Variants in ZNF676 observed in about 807,000 individuals in gnomAD.
The protein encoded by ZNF676 is zinc finger protein 676.
ZNF676 carries 4 observed loss-of-function variants against 6.0 expected under a neutral mutation model. The observed-to-expected ratio is 0.67, with a 90% CI of 0.33 to 1.53. The LOEUF is 1.53. ZNF676 is among the 40% of genes most tolerant of loss of function. ZNF676 has a pLI of 0.06. For missense variants in ZNF676, 644 were observed against 679.7 expected (o/e 0.95, Z 0.58); for synonymous variants, 198 against 223.1 (o/e 0.89, Z 1.00).
rs774878650 is a variant in ZNF676 at position 22,180,015 on chromosome 19, T to C, written c.1702A>G (p.Lys568Glu). 28 of 1,613,890 alleles carry C rather than the reference T, an allele frequency of 1.7e-5. No individual in the cohort carries two copies. The African/African-American group carries it at 3.7e-4, about 22-fold the overall frequency. ...ACAGTTGAGGATGACTTAAAAGCTT[T>C]GCCACATTCTTCACATTTGTAGGGT... Reference protein sequence around the residue: ...EKPYKCEECGKAFKSSSTVSY... With the variant: ...EKPYKCEECGEAFKSSSTVSY... The change falls in exon 3 of 3, where the codon AAA (lysine) becomes GAA (glutamate). Residue 568 changes from lysine to glutamate, a missense_variant. Lys to Glu is a moderately conservative substitution (Grantham distance 56). Transcript: ENST00000397121.
At chr19:22,210,726 G>A (rs1425492983) in intron 1 of ZNF676, among the ~76,000 whole-genome samples, 7 of 151,974 alleles carry the variant, frequency 4.6e-5, no homozygotes, top group South Asian at 2.1e-4. Context: ...TTCTTTTCTC[G>A]TTAAAAAAAT....
chr19:22,209,018 C>T (rs1214128048), intron 1 of ZNF676, among the ~76,000 whole-genome samples: 1 of 152,120 alleles, frequency 6.6e-6, no homozygotes, highest in Admixed American at 6.5e-5. Context: ...GTAATCCCAG[C>T]ACTTTGGGAG....
At chr19:22,195,295 T>C (rs1342111245) in intron 1 of ZNF676, among the ~76,000 whole-genome samples, 1 of 152,162 alleles carries the variant, frequency 6.6e-6, no homozygotes, top group African/African-American at 2.4e-5. Context: ...CAGGAGCCGA[T>C]GTGTCAGTAA....
chr19:22,228,340 T>C, the ZNF676 span, among the ~76,000 whole-genome samples: 1 of 152,212 alleles, frequency 6.6e-6, no homozygotes, highest in African/African-American at 2.4e-5. Context: ...AAACTAAGTA[T>C]TGATGGAACA....
At chr19:22,226,639 C>T in the ZNF676 span, among the ~76,000 whole-genome samples, 10 of 151,144 alleles carry the variant, frequency 6.6e-5, no homozygotes, top group African/African-American at 2.4e-4. Flanking sequence ...CTCTGTCATC[C>T]AGGCAGGAGT....
At chr19:22,237,163 T>C in the ZNF676 span, among the ~76,000 whole-genome samples, 2 of 152,184 alleles carry the variant, frequency 1.3e-5, no homozygotes, top group African/African-American at 4.8e-5. Context: ...CCAATGTGCC[T>C]AAGCCTTTTG....
rs1365812613 is a variant in ZNF676 at position 22,196,810 on chromosome 19, TAG to T, written c.-179_-178del. On this transcript the variant is annotated 5_prime_UTR_variant, in exon 1 of 3. An upstream open reading frame in the 5' UTR loses its in-frame stop. Transcript: ENST00000397121. ...GTGACTCAAGGTAAAATGGAGAGAGTAGAGAGAGCTGGTTCTGACTTATATGA... is the reference window on the plus strand; with the variant it reads ...GTGACTCAAGGTAAAATGGAGAGAGTAGAGAGCTGGTTCTGACTTATATGA... 2.7e-5 allele frequency: 33 copies of T among 1,236,412 alleles called. No homozygotes were observed. Among genetic ancestry groups the T allele is most frequent in the Non-Finnish European group, 3.6e-5 (31 of 865,250 alleles). 76.6% of individuals were successfully genotyped at this position (1,236,412 alleles called of 1,614,324 possible).
Position 22,181,276 on chromosome 19 carries a change from G to C in ZNF676, c.441C>G (p.Val147=). The C allele has an allele frequency of 6.2e-7, 1 of 1,613,714 alleles. No individual in the cohort carries two copies. Among genetic ancestry groups the C allele is most frequent in the Non-Finnish European group, 8.5e-7 (1 of 1,179,798 alleles). Residue 147 remains valine (V), a synonymous_variant, in exon 3 of 3, where the codon GTC becomes GTG. Transcript: ENST00000397121. ...GGTGTGAAAGCATGCAAAATGATCT[G>C]ACATATTCTTTACATTTCAAACCTT... The part of the protein sequence containing the change: ...GEKGLKCKEY[V]RSFCMLSHLS...
At chr19:22,216,251 A>G (rs867681972), upstream of ZNF676, among the ~76,000 whole-genome samples, 3 of 152,288 alleles carry the variant, frequency 2.0e-5, no homozygotes, top group African/African-American at 7.2e-5. Flanking sequence ...CCTGGTTGAC[A>G]TGGTGAAACC....
rs1285038254 is a variant in ZNF676, at chr19:22,180,220, A to C, written c.1497T>G (p.His499Gln). The C allele has an allele frequency of 4.3e-6, 7 of 1,613,664 alleles. No homozygotes were observed. Among genetic ancestry groups the C allele is most frequent in the Non-Finnish European group, 5.9e-6 (7 of 1,179,926 alleles). Residue 499 changes from histidine to glutamine, a missense_variant, in exon 3 of 3, where the codon CAT (histidine) becomes CAG (glutamine). Coordinates refer to ENST00000397121, the MANE Select transcript of ZNF676 (RefSeq NM_001001411.3). ...CACATTTGTAGCGTTTCTCTCCAGT[A>C]TGAATTATCTTATGTTTAGTAAGGA... ...FSILTKHKII[H>Q]TGEKRYKCEE...
chr19:22,217,652 G>A (rs138240782), upstream of ZNF676, among the ~76,000 whole-genome samples: 56 of 147,960 alleles, frequency 3.8e-4, no homozygotes, highest in African/African-American at 1.3e-3. Context: ...ATAAGCCACC[G>A]TGCCTGGCCT....
At chr19:22,208,250 GAA>G (rs545159713) in intron 1 of ZNF676, among the ~76,000 whole-genome samples, 1 of 117,586 alleles carries the variant, frequency 8.5e-6, no homozygotes. Flanking sequence ...AAGTTTACAA[GAA>G]AAAAAAAAAC....
chr19:22,181,243 T>G lies in ZNF676; in HGVS notation c.474A>C (p.Gln158His). ...TCTCTCTAGTATAAATTCTTTCATG[T>G]TGAGATAGGTGTGAAAGCATGCAAA... ...RSFCMLSHLSQHERIYTRENS... is the reference protein window; with the variant it reads ...RSFCMLSHLSHHERIYTRENS... Residue 158 changes from glutamine (Q) to histidine (H), a missense_variant, in exon 3 of 3, where the codon CAA becomes CAC. Gln to His is a conservative substitution (Grantham distance 24). This residue lies in a region of ZNF676 where 280 missense variants were observed against 269.3 expected (regional missense o/e 1.04). Transcript: ENST00000397121. The G allele has an allele frequency of 1.9e-6, 3 of 1,613,894 alleles. No homozygotes were observed. Among genetic ancestry groups the G allele is most frequent in the Non-Finnish European group, 2.5e-6 (3 of 1,179,874 alleles).
At chr19:22,219,033 ATT>A (rs34819381), upstream of ZNF676, among the ~76,000 whole-genome samples, 6,383 of 119,648 alleles carry the variant, frequency 0.053, 496 homozygotes, top group African/African-American at 0.18. Context: ...TAGTTTTAGG[ATT>A]TTTTTTTTTT....
At chr19:22,256,199 G>A in the ZNF676 span, among the ~76,000 whole-genome samples, 24 of 152,274 alleles carry the variant, frequency 1.6e-4, no homozygotes, top group Middle Eastern at 3.4e-3. Flanking sequence ...ATCAACTGTC[G>A]TCTGGTTTAA....
At chr19:22,184,147 A>G (rs1356592348) in intron 2 of ZNF676, among the ~76,000 whole-genome samples, 1 of 152,162 alleles carries the variant, frequency 6.6e-6, no homozygotes, top group South Asian at 2.1e-4. Context: ...TGCATTTCCA[A>G]CTGAGGTACC....
At position 22,179,536 on chromosome 19, in the gene ZNF676, G is replaced by T. The variant is rs1016251084; in HGVS notation, c.*414C>A. The T allele has an allele frequency of 9.1e-6, 4 of 439,972 alleles. No individual in the cohort carries two copies. The highest frequency in any genetic ancestry group is 2.0e-5 in the African/African-American group (1 of 49,340). The allele number at this position is 439,972 out of a possible 1,614,324, so 27.3% of individuals were successfully genotyped here. A position where few individuals can be genotyped will look rare whatever the true frequency, so the allele number is the denominator to read the frequency against. Reference sequence around the variant, plus strand: ...TTGCCACATTCTTCACATTTGTAGGGTTTCCCTCCTGTATAAATTCCCTTA... The same window carrying T: ...TTGCCACATTCTTCACATTTGTAGGTTTTCCCTCCTGTATAAATTCCCTTA... On this transcript the variant is annotated 3_prime_UTR_variant, in exon 3 of 3. Transcript: ENST00000397121.
the ZNF676 span, among the ~76,000 whole-genome samples, chr19:22,224,378 C>A: frequency 6.9e-6 from 1 of 144,736 alleles, no homozygotes; most frequent in Non-Finnish European, 1.5e-5. Context: ...AGCCATATGT[C>A]TATCACAATC....
chr19:22,222,676 TG>T, the ZNF676 span, among the ~76,000 whole-genome samples: 1 of 151,762 alleles, frequency 6.6e-6, no homozygotes, highest in African/African-American at 2.4e-5. Context: ...CTTCTTCTGT[TG>T]GGCCCCCATA....
Sources: allele counts gnomAD v4.1 joint callset (sites outside exome capture counted in the v4.1 genomes callset), GRCh38; gene constraint gnomAD v4.1.1; regional missense constraint gnomAD v4.1.1; transcripts MANE v1.5; gene names NCBI Gene and HGNC (gene_info 2026-07-23, HGNC 2026-07-21).